MIER3: variants seen among roughly 807,000 people sequenced by gnomAD.
MIER3 encodes MIER family member 3.
In MIER3, 9 loss-of-function variants were observed where a neutral mutation model predicts 63.2. The ratio of observed to expected loss-of-function variants is 0.14; its 90% CI spans 0.09 to 0.25. MIER3 has a LOEUF of 0.25. MIER3 is among the 10% of genes least tolerant of loss of function. MIER3 has a pLI of 1.00. For synonymous variants in MIER3, 205 were observed against 224.9 expected (o/e 0.91, Z 0.79); for missense variants, 512 against 666.2 (o/e 0.77, Z 2.55).
intron 4 of MIER3, 61 bp from the exon 5 acceptor site, chr5:56,937,759 A>C (rs1272404636): frequency 2.8e-6 from 4 of 1,452,234 alleles, no homozygotes; most frequent in Non-Finnish European, 3.7e-6. Context: ...AATTAAGAAA[A>C]CTATCTTTTT....
rs1001515288 is a variant in MIER3, at chr5:56,921,419, C to T, written c.*1709G>A. 1.3e-5 allele frequency: 2 copies of T among 152,518 alleles called. No homozygotes were observed. The highest frequency in any genetic ancestry group is 2.1e-4 in the South Asian group (1 of 4,830). 9.4% of individuals were successfully genotyped at this position (152,518 alleles called of 1,614,324 possible). A position where few individuals can be genotyped will look rare whatever the true frequency, so the allele number is the denominator to read the frequency against. On this transcript the variant is annotated 3_prime_UTR_variant, in exon 13 of 13. Transcript: ENST00000381199. ...ACTGTGTGCATACAGGAATGCTATA[C>T]TTCAGATGTATAAATTAGAGACTGA...
At chr5:56,937,132 T>C (rs1011561181) in intron 5 of MIER3, among the ~76,000 whole-genome samples, 13 of 152,094 alleles carry the variant, frequency 8.5e-5, no homozygotes, top group African/African-American at 2.4e-5. Context: ...TGCAGTGCAG[T>C]AGCATGATCT....
chr5:56,925,299 G>A (rs1337040874), intron 10 of MIER3: 1 of 453,628 alleles, frequency 2.2e-6, no homozygotes, highest in Non-Finnish European at 4.4e-6. Flanking sequence ...TATACAGATT[G>A]GGAAGGAAGA....
chr5:56,951,489 G>A (rs1751028129), intron 1 of MIER3, among the ~76,000 whole-genome samples: 1 of 152,158 alleles, frequency 6.6e-6, no homozygotes, highest in Non-Finnish European at 1.5e-5. Context: ...TAACCCCAGG[G>A]GCTCCCGCAC....
Position 56,935,409 on chromosome 5 carries a change from A to T in MIER3, c.595+19T>A, listed in dbSNP as rs769472083. 1 of 1,556,896 alleles carries T rather than the reference A, an allele frequency of 6.4e-7. No individual in the cohort carries two copies. Among genetic ancestry groups the T allele is most frequent in the Non-Finnish European group, 8.7e-7 (1 of 1,154,026 alleles). On this transcript the variant is annotated intron_variant, in intron 7 of 12. Coordinates refer to ENST00000381199, the MANE Select transcript of MIER3 (RefSeq NM_001297599.2). The stretch of plus-strand genomic sequence containing the variant: ...AACCTTATCTACCAAACATTATCAA[A>T]ATCAAAAGCTTTCCTTACCTTTCTC...
At chr5:56,926,008 TC>T (rs1360461344) in intron 10 of MIER3, among the ~76,000 whole-genome samples, 2 of 151,982 alleles carry the variant, frequency 1.3e-5, no homozygotes, top group Non-Finnish European at 2.9e-5. Flanking sequence ...GAATGTCTTT[TC>T]CACAAATGAT....
At chr5:56,928,449 A>T (rs949576423) in intron 10 of MIER3, 1 of 177,322 alleles carries the variant, frequency 5.6e-6, no homozygotes, top group African/African-American at 2.4e-5. Flanking sequence ...AAGAGAAATT[A>T]TTTTGAGGCC....
chr5:56,922,590 T>C lies in MIER3; in HGVS notation c.*538A>G, dbSNP rs1231108646. On this transcript the variant is annotated 3_prime_UTR_variant, in exon 13 of 13. Transcript: ENST00000381199. ...AAAATCCTTGCATGTTTGTGCAGTT[T>C]AAAGAAACCTACCCCTGCTTTTATT... is the stretch of plus-strand genomic sequence containing the variant. 1 of 154,408 alleles carries C rather than the reference T, an allele frequency of 6.5e-6. No homozygotes were observed. The highest frequency in any genetic ancestry group is 1.4e-5 in the Non-Finnish European group (1 of 69,218). 9.6% of individuals were successfully genotyped at this position (154,408 alleles called of 1,614,324 possible). A position where few individuals can be genotyped will look rare whatever the true frequency, so the allele number is the denominator to read the frequency against.
chr5:56,943,325 T>C (rs1750715264), intron 3 of MIER3, among the ~76,000 whole-genome samples: 1 of 137,820 alleles, frequency 7.3e-6, no homozygotes, highest in Admixed American at 7.6e-5. Flanking sequence ...AGGATTCTTA[T>C]GTGGAAATTT....
intron 1 of MIER3, 89 bp downstream of exon 1, chr5:56,952,005 C>G: frequency 8.9e-7 from 1 of 1,121,152 alleles, no homozygotes; most frequent in Non-Finnish European, 1.1e-6. Context: ...CGGAAAGAGC[C>G]CCGGATCCCC....
intron 7 of MIER3, 82 bp downstream of exon 7, chr5:56,935,346 G>T: frequency 9.4e-7 from 1 of 1,065,128 alleles, no homozygotes; most frequent in South Asian, 1.8e-5. Context: ...GCCAAGGCTG[G>T]TATAAAGCCA....
chr5:56,929,138 T>A (rs1750160166), intron 9 of MIER3: 1 of 274,512 alleles, frequency 3.6e-6, no homozygotes, highest in Non-Finnish European at 6.8e-6. Context: ...GGGATGAGAA[T>A]TTAAGTTTTC....
chr5:56,925,981 G>T (rs978992219), intron 10 of MIER3, among the ~76,000 whole-genome samples: 16 of 151,854 alleles, frequency 1.1e-4, no homozygotes, highest in Non-Finnish European at 2.9e-5. Flanking sequence ...AAGAACAAAG[G>T]CAATTCCATG....
intron 3 of MIER3, 110 bp downstream of exon 3, chr5:56,946,816 G>GA (rs368808899): frequency 0.02 from 14,869 of 750,608 alleles, 181 homozygotes; most frequent in African/African-American, 0.094. Context: ...AAATAAGAGT[G>GA]AAAAAAAAAA....
intron 3 of MIER3, among the ~76,000 whole-genome samples, chr5:56,945,168 TA>T (rs1382480944): frequency 3.3e-5 from 5 of 152,140 alleles, no homozygotes; most frequent in African/African-American, 1.2e-4. Context: ...AAGAACTCTT[TA>T]AAAAGTTCTA....
intron 3 of MIER3, among the ~76,000 whole-genome samples, chr5:56,942,008 G>T (rs1000699130): frequency 6.6e-6 from 1 of 151,746 alleles, no homozygotes; most frequent in African/African-American, 2.4e-5. Flanking sequence ...AGGAATAAAA[G>T]GTTTTTGAAG....
In MIER3 at chr5:56,923,938, T is replaced by C. The variant is rs1482727004; in HGVS notation, c.1029A>G (p.Arg343=). The C allele has an allele frequency of 6.2e-7, 1 of 1,614,134 alleles. No individual in the cohort carries two copies. The highest frequency in any genetic ancestry group is 1.1e-5 in the South Asian group (1 of 91,078). ...FAQQTRFGKK[R]YNHHPGVTDY... is the part of the protein sequence containing the mutation. ...ACGTAACTCCAGGGTGATGGTTATA[T>C]CTTTTTTTCCCAAATCTTGTCTGTT... The change falls in exon 11 of 13, where the codon AGA becomes AGG. Residue 343 remains arginine (R), a synonymous_variant. Coordinates refer to ENST00000381199, the MANE Select transcript of MIER3 (RefSeq NM_001297599.2).
At chr5:56,949,423 T>G (rs1244876240) in intron 2 of MIER3, among the ~76,000 whole-genome samples, 2 of 152,202 alleles carry the variant, frequency 1.3e-5, no homozygotes, top group Non-Finnish European at 2.9e-5. Context: ...GTGCAACTTC[T>G]TAAAAGAAGT....
chr5:56,924,097 C>G, intron 10 of MIER3, 55 bp from the exon 11 acceptor site: 1 of 1,573,620 alleles, frequency 6.4e-7, no homozygotes, highest in Non-Finnish European at 8.6e-7. Context: ...TTTTTTTAAG[C>G]AACTTTTCTT....
Sources: gnomAD v4.1 joint callset for allele counts (sites outside exome capture counted in the v4.1 genomes callset) on GRCh38, gnomAD v4.1.1 for gene constraint, MANE v1.5 for transcripts, NCBI Gene and HGNC (gene_info 2026-07-23, HGNC 2026-07-21) for gene names.